The following PPM1E variants were observed in gnomAD, a reference collection of about 807,000 sequenced individuals.
PPM1E encodes the protein protein phosphatase 1E.
A neutral mutation model predicts 65.9 loss-of-function variants in PPM1E; 20 were observed. The observed-to-expected ratio is 0.30, with a 90% CI of 0.21 to 0.44. The LOEUF is 0.44. Ranked by LOEUF, PPM1E falls within the 20% of genes least tolerant of loss-of-function variation. The probability of loss-of-function intolerance (pLI) is 1.00; values close to 1 mark genes in which losing one functional copy is unlikely to be tolerated. For missense variants in PPM1E, 713 were observed against 953.1 expected (o/e 0.75, Z 3.32); for synonymous variants, 352 against 374.9 (o/e 0.94, Z 0.70).
At chr17:58,789,737 C>T (rs1372481977) in intron 1 of PPM1E, among the ~76,000 whole-genome samples, 1 of 26,522 alleles carries the variant, frequency 3.8e-5, no homozygotes. Flanking sequence ...ATCTGAGAGT[C>T]ATTTATATAT....
At chr17:58,832,433 T>C (rs1032376941) in intron 1 of PPM1E, among the ~76,000 whole-genome samples, 4 of 152,184 alleles carry the variant, frequency 2.6e-5, no homozygotes, top group African/African-American at 9.7e-5. Context: ...GAATTTTATC[T>C]GCTTGAAATT....
At position 58,980,091 on chromosome 17, in the gene PPM1E, C is replaced by T. The variant is rs1308141768; in HGVS notation, c.1328C>T (p.Pro443Leu). The change falls in exon 7 of 7, where the codon CCT (proline) becomes CTT (leucine). Residue 443 changes from proline (P) to leucine (L), a missense_variant. Coordinates refer to ENST00000308249, the MANE Select transcript of PPM1E (RefSeq NM_014906.5). This position sits in a 1 kb window ranked among gnomAD's most constrained non-coding sequence, Gnocchi z 4.7. ...GATGGCTTCTATGACACCGTGAACC[C>T]TGATGAGGCAGTGAAAGTTGTGTCC... Reference protein sequence around the residue: ...ACDGFYDTVNPDEAVKVVSDH... With the variant: ...ACDGFYDTVNLDEAVKVVSDH... The T allele has an allele frequency of 6.2e-7, 1 of 1,614,114 alleles. No individual in the cohort carries two copies. Among genetic ancestry groups the T allele is most frequent in the Admixed American group, 1.7e-5 (1 of 60,030 alleles).
intron 1 of PPM1E, among the ~76,000 whole-genome samples, chr17:58,864,471 CTG>C (rs1369144152): frequency 6.7e-6 from 1 of 149,290 alleles, no homozygotes. Flanking sequence ...TGAAACCTGT[CTG>C]TAATAAAAAT....
intron 1 of PPM1E, among the ~76,000 whole-genome samples, chr17:58,851,722 T>G (rs901907016): frequency 6.6e-6 from 1 of 152,196 alleles, no homozygotes; most frequent in Non-Finnish European, 1.5e-5. Context: ...AGGCTACTCC[T>G]GGGTCAGGGA....
At chr17:58,874,085 A>G (rs2051103501) in intron 1 of PPM1E, among the ~76,000 whole-genome samples, 2 of 152,164 alleles carry the variant, frequency 1.3e-5, no homozygotes. Flanking sequence ...ACGTTAAGGT[A>G]TGATCTAATT....
At chr17:58,829,018 A>G (rs558694096) in intron 1 of PPM1E, among the ~76,000 whole-genome samples, 1 of 152,020 alleles carries the variant, frequency 6.6e-6, no homozygotes, top group South Asian at 2.1e-4. Context: ...CTGAGCCACT[A>G]TATACTGTGT....
intron 1 of PPM1E, among the ~76,000 whole-genome samples, chr17:58,953,417 G>C (rs1362164206): frequency 6.6e-6 from 1 of 152,118 alleles, no homozygotes; most frequent in African/African-American, 2.4e-5. Flanking sequence ...AGAAAGGGGA[G>C]GAGGTGCCCA....
Position 58,830,598 on chromosome 17 carries a change from G to A in PPM1E, c.464+74137G>A, listed in dbSNP as rs896416820. Among the ~76,000 whole-genome samples the A allele has an allele frequency of 9.2e-5, 14 of 151,872 alleles. No homozygotes were observed. The South Asian group carries it at 1.0e-3, about 11-fold the overall frequency. On this transcript the variant is annotated intron_variant, in intron 1 of 6. Transcript: ENST00000308249. Reference sequence around the variant, plus strand: ...TGGGATTACAGGTGTGAACCACTGCGCCCAGCCTTCAGTGTTATTATTGAG... The same window carrying A: ...TGGGATTACAGGTGTGAACCACTGCACCCAGCCTTCAGTGTTATTATTGAG...
chr17:58,760,341 G>T (rs2049809618), intron 1 of PPM1E, among the ~76,000 whole-genome samples: 1 of 152,124 alleles, frequency 6.6e-6, no homozygotes. Context: ...ACAGAATTCA[G>T]TCCTCCAACC....
intron 2 of PPM1E, among the ~76,000 whole-genome samples, chr17:58,964,408 G>A (rs536495634): frequency 6.6e-6 from 1 of 152,272 alleles, no homozygotes; most frequent in Non-Finnish European, 1.5e-5. Flanking sequence ...ATCATTCAGT[G>A]TTGCTTAAAA....
intron 1 of PPM1E, among the ~76,000 whole-genome samples, chr17:58,782,078 T>A (rs1466764917): frequency 2.0e-5 from 3 of 152,068 alleles, no homozygotes; most frequent in Non-Finnish European, 1.5e-5. Context: ...TTATAGCCAA[T>A]GAGGAAGAAT....
chr17:58,860,131 A>G (rs1293563451), intron 1 of PPM1E, among the ~76,000 whole-genome samples: 1 of 152,234 alleles, frequency 6.6e-6, no homozygotes, highest in African/African-American at 2.4e-5. Context: ...TTGTGGCAGA[A>G]AGATGGAAAC....
intron 1 of PPM1E, among the ~76,000 whole-genome samples, chr17:58,813,387 T>C (rs942336580): frequency 1.3e-5 from 2 of 152,206 alleles, no homozygotes; most frequent in Non-Finnish European, 2.9e-5. Flanking sequence ...TAACTTGTCT[T>C]CATAGGACTT....
chr17:58,963,855 C>T (rs960085597), intron 2 of PPM1E, among the ~76,000 whole-genome samples: 1 of 152,124 alleles, frequency 6.6e-6, no homozygotes, highest in Non-Finnish European at 1.5e-5. Flanking sequence ...CACCACTGCT[C>T]TCCAGCCTGG....
intron 1 of PPM1E, among the ~76,000 whole-genome samples, chr17:58,822,258 G>A (rs2050487657): frequency 6.6e-6 from 1 of 152,128 alleles, no homozygotes; most frequent in South Asian, 2.1e-4. Context: ...CTAGGAGCAA[G>A]CATTATAAAA....
intron 1 of PPM1E, among the ~76,000 whole-genome samples, chr17:58,822,965 A>C (rs1053624304): frequency 6.6e-6 from 1 of 152,168 alleles, no homozygotes; most frequent in African/African-American, 2.4e-5. Flanking sequence ...TGAGGCAGCA[A>C]AGTATTGTGA....
chr17:58,930,250 TAC>T (rs377147999), intron 1 of PPM1E, among the ~76,000 whole-genome samples: 4,595 of 142,856 alleles, frequency 0.032, 87 homozygotes, highest in African/African-American at 0.055. Context: ...TAAATGTATA[TAC>T]ACACACACAC....
chr17:58,775,299 A>C (rs1444451812), intron 1 of PPM1E, among the ~76,000 whole-genome samples: 1 of 152,188 alleles, frequency 6.6e-6, no homozygotes, highest in Non-Finnish European at 1.5e-5. Context: ...TTATCCTTAT[A>C]TTCCAAGTAA....
At chr17:58,901,935 C>G (rs544279627) in intron 1 of PPM1E, among the ~76,000 whole-genome samples, 2 of 152,186 alleles carry the variant, frequency 1.3e-5, no homozygotes, top group East Asian at 3.9e-4. Context: ...AAGATTGTGC[C>G]ATTGCACTCC....
Sources: allele counts gnomAD v4.1 joint callset (sites outside exome capture counted in the v4.1 genomes callset), GRCh38; gene constraint gnomAD v4.1.1; non-coding constraint Gnocchi (gnomAD v3.1); transcripts MANE v1.5; gene names NCBI Gene and HGNC (gene_info 2026-07-23, HGNC 2026-07-21).